The following GLRA2 variants were observed in gnomAD, a reference collection of about 807,000 sequenced individuals.
GLRA2 encodes glycine receptor subunit alpha-2.
A neutral mutation model predicts 31.6 loss-of-function variants in GLRA2; 11 were observed. The observed-to-expected ratio is 0.35, with a 90% CI of 0.22 to 0.58. The LOEUF (loss-of-function observed/expected upper bound fraction) is 0.58, where lower values mean the gene tolerates loss of function less well. Ranked by LOEUF, GLRA2 falls within the 20% of genes least tolerant of loss-of-function variation. The pLI, the probability that GLRA2 is intolerant of heterozygous loss-of-function variation, is 0.84. For synonymous variants in GLRA2, 132 were observed against 134.0 expected, an observed-to-expected ratio of 0.99 and a Z score of 0.10; for missense variants, 212 against 351.8, an observed-to-expected ratio of 0.60 and a Z score of 3.18.
At chrX:14,538,471 G>T (rs2089356318) in intron 2 of GLRA2, among the ~76,000 whole-genome samples, 1 of 111,395 alleles carries the variant, frequency 9.0e-6, no homozygotes, top group South Asian at 3.7e-4. Context: ...AGAGAAATTC[G>T]GGCATCTTAG....
chrX:14,591,060 C>T (rs1388089957), intron 4 of GLRA2, among the ~76,000 whole-genome samples: 2 of 111,757 alleles, frequency 1.8e-5, no homozygotes, highest in Admixed American at 9.5e-5. Flanking sequence ...GTATGACAGA[C>T]TCTCATAAAG....
intron 8 of GLRA2, among the ~76,000 whole-genome samples, chrX:14,711,909 A>G (rs2091715245): frequency 8.9e-6 from 1 of 112,150 alleles, no homozygotes; most frequent in Non-Finnish European, 1.9e-5. Context: ...CCTTAAAGAC[A>G]GTTCCATTTA....
chrX:14,460,404 A>G, the GLRA2 span, among the ~76,000 whole-genome samples: 2 of 111,611 alleles, frequency 1.8e-5, no homozygotes, highest in East Asian at 2.8e-4. Flanking sequence ...GTTAGGGAGG[A>G]TTCCCTCTTT....
chrX:14,719,956 A>G (rs777652756), intron 8 of GLRA2, among the ~76,000 whole-genome samples: 11 of 111,744 alleles, frequency 9.8e-5, no homozygotes, highest in African/African-American at 3.6e-4. Flanking sequence ...AAAGAGAAAT[A>G]CTACAATTTC....
At chrX:14,673,399 T>C (rs937332539) in intron 7 of GLRA2, among the ~76,000 whole-genome samples, 1 of 112,095 alleles carries the variant, frequency 8.9e-6, no homozygotes, top group African/African-American at 3.2e-5. Context: ...TCATCCATAA[T>C]TGTTATGAGA....
the GLRA2 span, among the ~76,000 whole-genome samples, chrX:14,523,171 G>A: frequency 5.4e-5 from 6 of 111,877 alleles, no homozygotes; most frequent in Non-Finnish European, 1.1e-4. Context: ...GGACTTACTC[G>A]AGCACGTTGC....
intron 7 of GLRA2, among the ~76,000 whole-genome samples, chrX:14,636,475 C>T (rs775435097): frequency 2.3e-4 from 26 of 111,085 alleles, no homozygotes; most frequent in Admixed American, 9.6e-5. Context: ...ATGAGGAACA[C>T]ATCAGACAGT....
chrX:14,683,914 GA>G (rs1177994665), intron 7 of GLRA2, among the ~76,000 whole-genome samples: 1 of 110,324 alleles, frequency 9.1e-6, no homozygotes, highest in Admixed American at 9.7e-5. Context: ...AAAAAAAGCA[GA>G]ATCAGTAGGG....
chrX:14,490,186 T>C, the GLRA2 span, among the ~76,000 whole-genome samples: 142 of 111,927 alleles, frequency 1.3e-3, no homozygotes, highest in African/African-American at 4.5e-3. Context: ...TGTAGGAAGA[T>C]GGGTAGTCAG....
intron 4 of GLRA2, among the ~76,000 whole-genome samples, chrX:14,601,679 T>C (rs972177269): frequency 1.8e-5 from 2 of 112,057 alleles, no homozygotes; most frequent in Admixed American, 9.5e-5. Context: ...TTTTGATGAT[T>C]GTCAGCGTGG....
At chrX:14,658,490 T>A (rs187528480) in intron 7 of GLRA2, among the ~76,000 whole-genome samples, 34 of 112,050 alleles carry the variant, frequency 3.0e-4, no homozygotes, top group African/African-American at 1.1e-3. Flanking sequence ...AAGCAATGCA[T>A]GAGAGCTGTA....
At chrX:14,493,714 T>C in the GLRA2 span, among the ~76,000 whole-genome samples, 1 of 98,290 alleles carries the variant, frequency 1.0e-5, no homozygotes, top group African/African-American at 4.0e-5. Context: ...TACACATGTA[T>C]ACATATATAC....
chrX:14,487,614 G>A, the GLRA2 span, among the ~76,000 whole-genome samples: 1 of 111,219 alleles, frequency 9.0e-6, no homozygotes, highest in African/African-American at 3.3e-5. Flanking sequence ...TTATTTCCAT[G>A]CATATATGTT....
intron 7 of GLRA2, among the ~76,000 whole-genome samples, chrX:14,683,901 A>T (rs1037560144): frequency 3.8e-5 from 4 of 105,307 alleles, no homozygotes; most frequent in Non-Finnish European, 7.9e-5. Context: ...GTATAATAAT[A>T]AAAAAAAAAG....
At chrX:14,478,732 G>A in the GLRA2 span, among the ~76,000 whole-genome samples, 1 of 112,086 alleles carries the variant, frequency 8.9e-6, no homozygotes, top group Non-Finnish European at 1.9e-5. Context: ...TCACTATGGT[G>A]ATAATTTCAT....
At chrX:14,544,956 C>T (rs1307811259) in intron 2 of GLRA2, among the ~76,000 whole-genome samples, 1 of 111,287 alleles carries the variant, frequency 9.0e-6, no homozygotes, top group Admixed American at 9.6e-5. Flanking sequence ...AATAGTGATG[C>T]CACCTCAGAC....
chrX:14,529,113 C>T (rs761789325), upstream of GLRA2, among the ~76,000 whole-genome samples: 1 of 111,528 alleles, frequency 9.0e-6, no homozygotes, highest in African/African-American at 3.3e-5. Context: ...TCTTTGCCTC[C>T]GGCTTGCACT....
intron 2 of GLRA2, among the ~76,000 whole-genome samples, chrX:14,545,831 A>G (rs1194262703): frequency 9.0e-6 from 1 of 111,249 alleles, no homozygotes; most frequent in Non-Finnish European, 1.9e-5. Context: ...AGGAATATGA[A>G]CAAGAGGATA....
At chrX:14,549,802 C>A (rs1037091726) in intron 2 of GLRA2, among the ~76,000 whole-genome samples, 1 of 111,344 alleles carries the variant, frequency 9.0e-6, no homozygotes, top group Non-Finnish European at 1.9e-5. Context: ...TTGCTAAGAT[C>A]ACCCAGTGAG....
Sources: allele counts gnomAD v4.1 joint callset (sites outside exome capture counted in the v4.1 genomes callset), GRCh38; gene constraint gnomAD v4.1.1; transcripts MANE v1.5; gene names NCBI Gene and HGNC (gene_info 2026-07-23, HGNC 2026-07-21).